RALGPS1: variants seen among roughly 807,000 people sequenced by gnomAD.
RALGPS1 encodes the protein ras-specific guanine nucleotide-releasing factor RalGPS1.
In RALGPS1, 19 loss-of-function variants were observed where a neutral mutation model predicts 78.8. The ratio of observed to expected loss-of-function variants is 0.24; its 90% CI spans 0.17 to 0.35. The LOEUF (loss-of-function observed/expected upper bound fraction) is 0.35, where lower values mean the gene tolerates loss of function less well. Ranked by LOEUF, RALGPS1 falls within the 10% of genes least tolerant of loss-of-function variation. RALGPS1 has a pLI of 1.00. For missense variants in RALGPS1, 454 were observed against 688.3 expected, an observed-to-expected ratio of 0.66 and a Z score of 3.81; for synonymous variants, 228 against 256.3, an observed-to-expected ratio of 0.89 and a Z score of 1.06.
intron 14 of RALGPS1, among the ~76,000 whole-genome samples, chr9:127,208,070 G>A (rs1189989834): frequency 1.3e-5 from 2 of 152,198 alleles, no homozygotes; most frequent in Non-Finnish European, 2.9e-5. Context: ...ACAGAGCTGG[G>A]CATGCTCTTG....
At chr9:126,937,375 G>A (rs1310202212) in intron 1 of RALGPS1, among the ~76,000 whole-genome samples, 1 of 152,216 alleles carries the variant, frequency 6.6e-6, no homozygotes, top group African/African-American at 2.4e-5. Flanking sequence ...AGGGCACACA[G>A]AACATGGCCA....
At chr9:127,100,418 A>G (rs1304056060) in intron 8 of RALGPS1, among the ~76,000 whole-genome samples, 1 of 152,226 alleles carries the variant, frequency 6.6e-6, no homozygotes, top group African/African-American at 2.4e-5. Context: ...TCCAGAGGCC[A>G]CTGTCCAAAG....
At chr9:127,007,739 C>T (rs2043971971) in intron 4 of RALGPS1, among the ~76,000 whole-genome samples, 4 of 152,182 alleles carry the variant, frequency 2.6e-5, no homozygotes, top group African/African-American at 9.7e-5. Context: ...TGAGGCCAGT[C>T]ACAGATGAGC....
intron 2 of RALGPS1, among the ~76,000 whole-genome samples, chr9:126,965,118 G>T (rs2039346058): frequency 6.6e-6 from 1 of 152,128 alleles, no homozygotes; most frequent in Admixed American, 6.5e-5. Flanking sequence ...GTTTTAACTT[G>T]CCTTTTTATG....
chr9:127,033,409 C>G (rs954926869), intron 4 of RALGPS1, among the ~76,000 whole-genome samples: 1 of 152,136 alleles, frequency 6.6e-6, no homozygotes, highest in Admixed American at 6.5e-5. Flanking sequence ...CTGGGCTGTT[C>G]CTACTGCTCC....
intron 8 of RALGPS1, among the ~76,000 whole-genome samples, chr9:127,071,703 C>A (rs145155419): frequency 1.0e-3 from 154 of 152,092 alleles, no homozygotes; most frequent in African/African-American, 3.3e-3. Context: ...CAGTGATATT[C>A]TTTAAATACT....
At position 127,013,963 on chromosome 9, in the gene RALGPS1, G is replaced by T. The variant is rs116576398; in HGVS notation, c.217-20468G>T. The stretch of plus-strand genomic sequence containing the variant: ...CTTTTCCTTATGCGTTCAGCAACAT[G>T]TTCATAATTGATGCCTGTCTTCTCC... On this transcript the variant is annotated intron_variant, in intron 4 of 18. Coordinates refer to ENST00000259351, the MANE Select transcript of RALGPS1 (RefSeq NM_014636.3). Among the ~76,000 whole-genome samples, 784 of 152,332 alleles carry T rather than the reference G, an allele frequency of 5.1e-3. 5 individuals carry two copies. Among genetic ancestry groups the T allele is most frequent in the African/African-American group, 0.018 (734 of 41,572 alleles).
chr9:127,118,241 G>A (rs1251070059), intron 8 of RALGPS1, among the ~76,000 whole-genome samples: 1 of 152,100 alleles, frequency 6.6e-6, no homozygotes, highest in Non-Finnish European at 1.5e-5. Flanking sequence ...ACAGGCCATC[G>A]TAACGTTGTA....
At chr9:127,139,342 A>G (rs1277965348) in intron 8 of RALGPS1, among the ~76,000 whole-genome samples, 1 of 152,236 alleles carries the variant, frequency 6.6e-6, no homozygotes, top group Admixed American at 6.5e-5. Flanking sequence ...TCCCCAGGTC[A>G]GGCCACCCCA....
chr9:127,139,005 G>A (rs557251267), intron 8 of RALGPS1, among the ~76,000 whole-genome samples: 1 of 152,330 alleles, frequency 6.6e-6, no homozygotes, highest in African/African-American at 2.4e-5. Flanking sequence ...AGATTTACCT[G>A]ATTCTTCTAT....
chr9:127,194,981 A>T, intron 11 of RALGPS1, 110 bp from the exon 12 acceptor site: 1 of 1,333,896 alleles, frequency 7.5e-7, no homozygotes, highest in Non-Finnish European at 1.1e-6. Context: ...CAGCTGGGCC[A>T]GTTGCTGTAC....
intron 4 of RALGPS1, among the ~76,000 whole-genome samples, chr9:126,990,627 TC>T (rs1285859000): frequency 6.6e-6 from 1 of 152,236 alleles, no homozygotes; most frequent in Non-Finnish European, 1.5e-5. Flanking sequence ...CTGCTCTGCC[TC>T]CGGGAGATGA....
intron 8 of RALGPS1, among the ~76,000 whole-genome samples, chr9:127,114,460 A>C (rs1455451347): frequency 6.6e-6 from 1 of 152,206 alleles, no homozygotes; most frequent in Non-Finnish European, 1.5e-5. Flanking sequence ...CTGGAAACCC[A>C]AAAGAGGTTG....
chr9:127,185,524 A>G (rs2060587751), intron 11 of RALGPS1, among the ~76,000 whole-genome samples: 1 of 152,234 alleles, frequency 6.6e-6, no homozygotes, highest in Admixed American at 6.5e-5. Flanking sequence ...AGATAGCAAC[A>G]GTATTTGCAT....
At chr9:127,106,091 A>T (rs990714404) in intron 8 of RALGPS1, among the ~76,000 whole-genome samples, 1 of 152,190 alleles carries the variant, frequency 6.6e-6, no homozygotes, top group Non-Finnish European at 1.5e-5. Flanking sequence ...TTCCTATACT[A>T]TGTATCTGCC....
chr9:127,095,817 A>G (rs2053064099), intron 8 of RALGPS1, among the ~76,000 whole-genome samples: 1 of 152,194 alleles, frequency 6.6e-6, no homozygotes, highest in Non-Finnish European at 1.5e-5. Context: ...GGTCTCTGTT[A>G]GACATCTCAG....
At chr9:127,002,080 C>T (rs2043362801) in intron 4 of RALGPS1, among the ~76,000 whole-genome samples, 1 of 152,132 alleles carries the variant, frequency 6.6e-6, no homozygotes, top group African/African-American at 2.4e-5. Context: ...CCATCTGGAT[C>T]AAGATGTAAA....
intron 5 of RALGPS1, among the ~76,000 whole-genome samples, chr9:127,047,420 C>T (rs893237298): frequency 3.9e-5 from 6 of 152,022 alleles, no homozygotes; most frequent in Admixed American, 6.6e-5. Flanking sequence ...AAAAGATGGC[C>T]GGGCATGGTG....
chr9:127,164,108 G>T (rs1483748870), intron 8 of RALGPS1, among the ~76,000 whole-genome samples: 1 of 151,954 alleles, frequency 6.6e-6, no homozygotes, highest in East Asian at 1.9e-4. Flanking sequence ...ATGTAGTAAG[G>T]TCAATGAAAG....
Sources: allele counts gnomAD v4.1 joint callset (sites outside exome capture counted in the v4.1 genomes callset), GRCh38; gene constraint gnomAD v4.1.1; transcripts MANE v1.5; gene names NCBI Gene and HGNC (gene_info 2026-07-23, HGNC 2026-07-21).